The following PTPRM variants were observed in gnomAD, a reference collection of about 807,000 sequenced individuals.
PTPRM encodes receptor-type tyrosine-protein phosphatase mu.
In PTPRM, 47 loss-of-function variants were observed where a neutral mutation model predicts 186.7. That is an observed-to-expected ratio of 0.25 (90% CI 0.20 to 0.32). PTPRM has a LOEUF of 0.32. Among genes scored for constraint, PTPRM ranks in the 10% least tolerant of loss-of-function variants. The pLI, the probability that PTPRM is intolerant of heterozygous loss-of-function variation, is 1.00. For missense variants in PTPRM, 1,494 were observed against 1,865.0 expected (o/e 0.80, Z 3.66); for synonymous variants, 668 against 674.9 (o/e 0.99, Z 0.16).
At chr18:8,374,448 G>T (rs1196026834) in intron 24 of PTPRM, among the ~76,000 whole-genome samples, 1 of 152,116 alleles carries the variant, frequency 6.6e-6, no homozygotes, top group Non-Finnish European at 1.5e-5. Context: ...CACCAAAATG[G>T]GATCACTCCT....
intron 17 of PTPRM, among the ~76,000 whole-genome samples, chr18:8,252,085 G>A (rs2094533143): frequency 6.6e-6 from 1 of 152,144 alleles, no homozygotes; most frequent in South Asian, 2.1e-4. Context: ...TAATTTTCTA[G>A]TAGGCCTCCA....
At chr18:8,232,158 G>A (rs2094295134) in intron 14 of PTPRM, among the ~76,000 whole-genome samples, 1 of 152,126 alleles carries the variant, frequency 6.6e-6, no homozygotes, top group African/African-American at 2.4e-5. Flanking sequence ...TTATGTAGTT[G>A]GAATAATAAA....
intron 27 of PTPRM, 74 bp downstream of exon 27, chr18:8,378,488 G>C: frequency 1.3e-6 from 2 of 1,533,388 alleles, no homozygotes; most frequent in South Asian, 1.2e-5. Context: ...CAGCACCTGA[G>C]TGAGCCCTTG....
intron 13 of PTPRM, among the ~76,000 whole-genome samples, chr18:8,127,246 G>A (rs1223637781): frequency 6.6e-6 from 1 of 152,124 alleles, no homozygotes; most frequent in Non-Finnish European, 1.5e-5. Context: ...GAATGGATCA[G>A]CTGCAGCCAG....
chr18:8,373,707 T>C (rs2095677970), intron 24 of PTPRM, among the ~76,000 whole-genome samples: 1 of 152,146 alleles, frequency 6.6e-6, no homozygotes, highest in Admixed American at 6.6e-5. Flanking sequence ...CCAGGGACTA[T>C]TGTATGACTT....
chr18:8,052,280 G>T (rs2087559160), intron 7 of PTPRM, among the ~76,000 whole-genome samples: 1 of 152,172 alleles, frequency 6.6e-6, no homozygotes, highest in Non-Finnish European at 1.5e-5. Context: ...CTAAGTCTCT[G>T]GGGATGAGGC....
At chr18:7,865,595 T>C (rs1242921368) in intron 2 of PTPRM, among the ~76,000 whole-genome samples, 1 of 152,246 alleles carries the variant, frequency 6.6e-6, no homozygotes, top group Non-Finnish European at 1.5e-5. Context: ...GCCAGTATTT[T>C]ATTGAGGATT....
chr18:7,714,594 C>T (rs2040283453), intron 1 of PTPRM, among the ~76,000 whole-genome samples: 1 of 151,244 alleles, frequency 6.6e-6, no homozygotes, highest in South Asian at 2.1e-4. Context: ...GTTTTTTGGA[C>T]AGATCAACAA....
chr18:8,206,625 T>C (rs1476739454), intron 14 of PTPRM, among the ~76,000 whole-genome samples: 1 of 151,962 alleles, frequency 6.6e-6, no homozygotes, highest in Admixed American at 6.6e-5. Flanking sequence ...AATAGAAAAA[T>C]AGGCAAAGGA....
intron 7 of PTPRM, among the ~76,000 whole-genome samples, chr18:8,036,534 G>T (rs2086342007): frequency 6.6e-6 from 1 of 152,196 alleles, no homozygotes; most frequent in Non-Finnish European, 1.5e-5. Context: ...TAAATTGATA[G>T]TACTTTGTTC....
chr18:8,363,730 T>C (rs1421963911), intron 23 of PTPRM, among the ~76,000 whole-genome samples: 1 of 152,124 alleles, frequency 6.6e-6, no homozygotes, highest in Non-Finnish European at 1.5e-5. Context: ...GAAAGTCTGG[T>C]TGTAGTTTGA....
chr18:7,835,958 C>T lies in PTPRM; in HGVS notation c.197-52148C>T, dbSNP rs1211603339. On this transcript the variant is annotated intron_variant, in intron 2 of 32. Transcript: ENST00000580170. The stretch of plus-strand genomic sequence containing the variant: ...TCTATGTGCCTGGAATATCTTTTTC[C>T]ATCCCTTTATTTTTAGTTTACCTGT... Among the ~76,000 whole-genome samples, 5 of 151,980 alleles carry T rather than the reference C, an allele frequency of 3.3e-5. No individual in the cohort carries two copies. In the South Asian group the frequency reaches 6.2e-4, roughly 19 times the overall value.
chr18:8,351,283 T>C (rs1466297796), intron 23 of PTPRM, among the ~76,000 whole-genome samples: 5 of 152,236 alleles, frequency 3.3e-5, no homozygotes, highest in Non-Finnish European at 7.3e-5. Context: ...CTTCCTCATT[T>C]ATAGTAAGTC....
chr18:7,647,413 A>C (rs569004141), intron 1 of PTPRM, among the ~76,000 whole-genome samples: 2 of 152,292 alleles, frequency 1.3e-5, no homozygotes, highest in African/African-American at 4.8e-5. Flanking sequence ...AGAGTGAGAA[A>C]GTTATTAGGT....
At chr18:7,917,768 T>C (rs1012303641) in intron 4 of PTPRM, among the ~76,000 whole-genome samples, 3 of 109,270 alleles carry the variant, frequency 2.7e-5, no homozygotes, top group African/African-American at 1.0e-4. Context: ...CTTCAAGCAC[T>C]AAGTTTTATT....
chr18:8,093,079 A>G (rs190776647), intron 11 of PTPRM, among the ~76,000 whole-genome samples: 3 of 152,256 alleles, frequency 2.0e-5, no homozygotes, highest in Admixed American at 6.5e-5. Context: ...TTGGCATACA[A>G]ATGGTTATGG....
chr18:7,793,185 G>C (rs2043431593), intron 2 of PTPRM, among the ~76,000 whole-genome samples: 1 of 152,108 alleles, frequency 6.6e-6, no homozygotes. Context: ...GTTATGTTCT[G>C]TCATATGCCC....
At chr18:8,135,671 G>A (rs573475036) in intron 13 of PTPRM, among the ~76,000 whole-genome samples, 139 of 152,284 alleles carry the variant, frequency 9.1e-4, no homozygotes, top group African/African-American at 3.2e-3. Context: ...GAACTATTGT[G>A]TGTTTACTAA....
intron 1 of PTPRM, among the ~76,000 whole-genome samples, chr18:7,577,642 G>A (rs902714973): frequency 2.0e-5 from 3 of 152,104 alleles, no homozygotes. Flanking sequence ...ATAAAAAGAG[G>A]CTACTTTGAC....
Sources: allele counts gnomAD v4.1 joint callset (sites outside exome capture counted in the v4.1 genomes callset), GRCh38; gene constraint gnomAD v4.1.1; transcripts MANE v1.5; gene names NCBI Gene and HGNC (gene_info 2026-07-23, HGNC 2026-07-21).